The following EPB41L4A variants were observed in gnomAD, a reference collection of about 807,000 sequenced individuals.
The protein encoded by EPB41L4A is erythrocyte membrane protein band 4.1 like 4A.
In EPB41L4A, 100 loss-of-function variants were observed where a neutral mutation model predicts 108.6. The ratio of observed to expected loss-of-function variants is 0.92; its 90% CI spans 0.78 to 1.09. The LOEUF (loss-of-function observed/expected upper bound fraction) is 1.09. EPB41L4A is among the 50% of genes least tolerant of loss of function. EPB41L4A has a pLI of 0.00. For synonymous variants in EPB41L4A, 319 were observed against 289.0 expected, an observed-to-expected ratio of 1.10 and a Z score of -1.05; for missense variants, 1,030 against 842.7, an observed-to-expected ratio of 1.22 and a Z score of -2.75.
chr5:112,254,466 C>T (rs956427625), intron 9 of EPB41L4A, among the ~76,000 whole-genome samples: 7 of 152,150 alleles, frequency 4.6e-5, no homozygotes, highest in Non-Finnish European at 1.0e-4. Flanking sequence ...TTCTTAAATG[C>T]ACATCCGATC....
chr5:112,357,478 A>C (rs1758433815), intron 1 of EPB41L4A, among the ~76,000 whole-genome samples: 1 of 152,162 alleles, frequency 6.6e-6, no homozygotes, highest in African/African-American at 2.4e-5. Context: ...ATACAACCAC[A>C]CCTGTGGCTT....
intron 1 of EPB41L4A, among the ~76,000 whole-genome samples, chr5:112,326,649 T>G (rs72781684): frequency 0.061 from 9,268 of 152,280 alleles, 316 homozygotes; most frequent in Non-Finnish European, 0.069. Flanking sequence ...TCGGCACTCC[T>G]AAAAAGGATG....
intron 15 of EPB41L4A, among the ~76,000 whole-genome samples, chr5:112,201,393 T>A (rs539238176): frequency 1.1e-4 from 17 of 152,192 alleles, no homozygotes; most frequent in Non-Finnish European, 1.9e-4. Context: ...AAAATGAACC[T>A]CAGTGTAGAA....
At chr5:112,336,925 C>T (rs1038397233) in intron 1 of EPB41L4A, among the ~76,000 whole-genome samples, 1 of 152,296 alleles carries the variant, frequency 6.6e-6, no homozygotes, top group Middle Eastern at 3.4e-3. Flanking sequence ...TTCCCTTTTA[C>T]AGTCTGTTCA....
At chr5:112,401,195 A>G (rs1340211983) in intron 1 of EPB41L4A, among the ~76,000 whole-genome samples, 1 of 152,190 alleles carries the variant, frequency 6.6e-6, no homozygotes, top group Non-Finnish European at 1.5e-5. Flanking sequence ...CCTGAGTAAT[A>G]AAAAGTTGAT....
chr5:112,303,906 G>A (rs538214166), intron 2 of EPB41L4A, among the ~76,000 whole-genome samples: 2 of 152,182 alleles, frequency 1.3e-5, no homozygotes, highest in East Asian at 3.9e-4. Flanking sequence ...GGTTCTAAAT[G>A]GGAAAGACTT....
At chr5:112,370,030 T>C (rs1759384422) in intron 1 of EPB41L4A, among the ~76,000 whole-genome samples, 1 of 152,138 alleles carries the variant, frequency 6.6e-6, no homozygotes, top group African/African-American at 2.4e-5. Context: ...AGTACTCAGT[T>C]GGTTTTTGGT....
intron 1 of EPB41L4A, among the ~76,000 whole-genome samples, chr5:112,395,460 G>T (rs192836856): frequency 1.9e-4 from 29 of 152,324 alleles, no homozygotes; most frequent in Admixed American, 1.8e-3. Context: ...CTTCTCAAAA[G>T]AAGACATTTA....
At chr5:112,226,885 G>C (rs185465385) in intron 12 of EPB41L4A, among the ~76,000 whole-genome samples, 136 of 151,424 alleles carry the variant, frequency 9.0e-4, no homozygotes, top group Admixed American at 2.0e-3. Flanking sequence ...ACACTCTAGA[G>C]ATTGGTTGTA....
rs753793638 is a variant in EPB41L4A at position 112,216,255 on chromosome 5, G to A, written c.1088-6273C>T. 3.3e-5 allele frequency among the ~76,000 whole-genome samples: 5 copies of A among 152,106 alleles called. 1 individual carries two copies. In the South Asian group the frequency reaches 8.3e-4, roughly 25 times the overall value. ...TCAAGATTTGGTGATGAATATACAC[G>A]TATTTTCAATTACAAAAATACTTTG... is the stretch of plus-strand genomic sequence containing the variant. On this transcript the variant is annotated intron_variant, in intron 12 of 22. Transcript: ENST00000261486.
At chr5:112,312,909 T>G (rs1008414409) in intron 1 of EPB41L4A, among the ~76,000 whole-genome samples, 1 of 152,186 alleles carries the variant, frequency 6.6e-6, no homozygotes, top group South Asian at 2.1e-4. Context: ...AATGAAGAAC[T>G]GACAGAGAAC....
intron 9 of EPB41L4A, among the ~76,000 whole-genome samples, chr5:112,252,467 C>G (rs143472586): frequency 6.6e-6 from 1 of 151,914 alleles, no homozygotes; most frequent in Non-Finnish European, 1.5e-5. Context: ...ATATATTATA[C>G]CAAAAAAGGA....
chr5:112,395,198 G>C (rs939516121), intron 1 of EPB41L4A, among the ~76,000 whole-genome samples: 1 of 152,186 alleles, frequency 6.6e-6, no homozygotes, highest in Non-Finnish European at 1.5e-5. Context: ...AGGATTTCAT[G>C]TCTAAAACAC....
At chr5:112,397,444 CTG>C (rs1339784747) in intron 1 of EPB41L4A, among the ~76,000 whole-genome samples, 1 of 152,070 alleles carries the variant, frequency 6.6e-6, no homozygotes, top group Non-Finnish European at 1.5e-5. Context: ...ATTCTTAGTG[CTG>C]TGTTTGATGC....
At chr5:112,318,212 G>A (rs1755550863) in intron 1 of EPB41L4A, among the ~76,000 whole-genome samples, 1 of 152,008 alleles carries the variant, frequency 6.6e-6, no homozygotes, top group Admixed American at 6.6e-5. Flanking sequence ...AATTTTGATA[G>A]GAGTTCACAA....
intron 3 of EPB41L4A, among the ~76,000 whole-genome samples, chr5:112,276,463 C>T (rs554178904): frequency 2.6e-5 from 4 of 152,216 alleles, no homozygotes; most frequent in South Asian, 4.1e-4. Flanking sequence ...GTGCATATTT[C>T]CAAGCTGTGC....
intron 1 of EPB41L4A, among the ~76,000 whole-genome samples, chr5:112,308,242 C>T (rs1754821049): frequency 6.6e-6 from 1 of 152,098 alleles, no homozygotes; most frequent in South Asian, 2.1e-4. Context: ...TTTCTCTCGC[C>T]CCATCTCTGG....
chr5:112,224,281 T>A (rs1404091586), intron 12 of EPB41L4A, among the ~76,000 whole-genome samples: 3 of 152,174 alleles, frequency 2.0e-5, no homozygotes, highest in Non-Finnish European at 4.4e-5. Flanking sequence ...CTAGAAGGTT[T>A]TTCCAAACAC....
intron 1 of EPB41L4A, among the ~76,000 whole-genome samples, chr5:112,390,459 G>A (rs956412968): frequency 3.9e-5 from 6 of 152,148 alleles, no homozygotes; most frequent in African/African-American, 1.2e-4. Context: ...ACAGCAGTCC[G>A]AGATCGAGCT....
Sources: gnomAD v4.1 joint callset for allele counts (sites outside exome capture counted in the v4.1 genomes callset) on GRCh38, gnomAD v4.1.1 for gene constraint, MANE v1.5 for transcripts, NCBI Gene and HGNC (gene_info 2026-07-23, HGNC 2026-07-21) for gene names.